The following RXFP2 variants were observed in gnomAD, a reference collection of about 807,000 sequenced individuals.
The protein encoded by RXFP2 is relaxin family peptide receptor 2.
A neutral mutation model predicts 88.6 loss-of-function variants in RXFP2; 68 were observed. The ratio of observed to expected loss-of-function variants is 0.77; its 90% CI spans 0.63 to 0.94. The LOEUF is 0.94. RXFP2 is among the 40% of genes least tolerant of loss of function. The probability of loss-of-function intolerance (pLI) is 0.00; values close to 1 mark genes in which losing one functional copy is unlikely to be tolerated. For synonymous variants in RXFP2, 329 were observed against 306.8 expected (o/e 1.07, Z -0.76); for missense variants, 791 against 893.9 (o/e 0.88, Z 1.47).
At chr13:31,751,165 G>C (rs1368294720) in intron 1 of RXFP2, among the ~76,000 whole-genome samples, 1 of 152,108 alleles carries the variant, frequency 6.6e-6, no homozygotes, top group East Asian at 1.9e-4. Flanking sequence ...GTTGGCGCAT[G>C]CCTGTAATTC....
intron 14 of RXFP2, among the ~76,000 whole-genome samples, chr13:31,790,622 C>T (rs1382458174): frequency 6.6e-6 from 1 of 152,168 alleles, no homozygotes; most frequent in African/African-American, 2.4e-5. Context: ...GATGTCTGTG[C>T]CTGAGAGCTT....
At chr13:31,798,834 A>G (rs573434545) in intron 17 of RXFP2, among the ~76,000 whole-genome samples, 2 of 152,250 alleles carry the variant, frequency 1.3e-5, no homozygotes, top group East Asian at 3.9e-4. Context: ...ATTTTAGCGT[A>G]CTAAACACCA....
At chr13:31,752,438 G>A (rs2138393441) in intron 1 of RXFP2, among the ~76,000 whole-genome samples, 1 of 152,258 alleles carries the variant, frequency 6.6e-6, no homozygotes, top group South Asian at 2.1e-4. Flanking sequence ...GTAAATATGT[G>A]TGAATGAAAC....
chr13:31,758,449 C>T, intron 2 of RXFP2, 45 bp downstream of exon 2: 1 of 1,605,740 alleles, frequency 6.2e-7, no homozygotes, highest in Non-Finnish European at 8.5e-7. Flanking sequence ...ACTTTATGAA[C>T]ACCCCAAAAC....
chr13:31,795,128 T>C (rs1229816784), intron 16 of RXFP2, among the ~76,000 whole-genome samples: 2 of 152,144 alleles, frequency 1.3e-5, no homozygotes, highest in African/African-American at 2.4e-5. Context: ...TTTCTTATAT[T>C]ACTATCGTGC....
chr13:31,756,899 G>A (rs138066693), intron 1 of RXFP2, among the ~76,000 whole-genome samples: 7 of 151,992 alleles, frequency 4.6e-5, no homozygotes, highest in African/African-American at 4.8e-5. Context: ...GATTACAGGC[G>A]TGAGCTACTG....
At chr13:31,751,968 T>C (rs941708593) in intron 1 of RXFP2, among the ~76,000 whole-genome samples, 2 of 152,128 alleles carry the variant, frequency 1.3e-5, no homozygotes, top group African/African-American at 4.8e-5. Flanking sequence ...GTTTTGGCAG[T>C]TTACCAGTCA....
rs1414717939 is a variant in RXFP2, at chr13:31,782,306, T to C, written c.858-370T>C. On this transcript the variant is annotated intron_variant, in intron 10 of 17. Transcript: ENST00000298386. ...GCTTCAAAACATCAGTGTTTTGGTT[T>C]TGTTTTAATGATAGTTTTCCACATT... 2.0e-5 allele frequency among the ~76,000 whole-genome samples: 3 copies of C among 152,224 alleles called. No individual in the cohort carries two copies. The East Asian group carries it at 5.8e-4, about 29-fold the overall frequency.
intron 9 of RXFP2, among the ~76,000 whole-genome samples, chr13:31,779,124 GT>G (rs1369233800): frequency 1.0e-5 from 1 of 99,082 alleles, no homozygotes; most frequent in Non-Finnish European, 2.1e-5. Flanking sequence ...CATTGGGCTT[GT>G]CTTTTTTTTT....
At chr13:31,761,217 G>A (rs539549711) in intron 2 of RXFP2, among the ~76,000 whole-genome samples, 1 of 152,222 alleles carries the variant, frequency 6.6e-6, no homozygotes, top group African/African-American at 2.4e-5. Flanking sequence ...GCCTCCCAAA[G>A]TGCTGAGGTT....
intron 16 of RXFP2, among the ~76,000 whole-genome samples, chr13:31,796,198 C>A (rs1046921825): frequency 6.0e-5 from 9 of 148,898 alleles, no homozygotes; most frequent in African/African-American, 2.2e-4. Flanking sequence ...TACAGGCGCC[C>A]GCCACCGCGC....
At chr13:31,786,325 A>C in intron 11 of RXFP2, 58 bp from the exon 12 acceptor site, 1 of 1,148,234 alleles carries the variant, frequency 8.7e-7, no homozygotes, top group Non-Finnish European at 1.3e-6. Context: ...TGTGAGGAGT[A>C]ATAAGTCTGT....
rs187899656 is a variant in RXFP2, at chr13:31,798,202, A to G, written c.2005+783A>G. On this transcript the variant is annotated intron_variant, in intron 17 of 17. Coordinates refer to ENST00000298386, the MANE Select transcript of RXFP2 (RefSeq NM_130806.5). ...CTTTGATAGCCCTTATGAAAGAGTG[A>G]TGAATGCACAGACGATAAACAGCTG... 2.0e-5 allele frequency among the ~76,000 whole-genome samples: 3 copies of G among 152,302 alleles called. No individual in the cohort carries two copies. The East Asian group carries it at 5.8e-4, about 29-fold the overall frequency.
chr13:31,784,333 C>G (rs1873425934), intron 11 of RXFP2, among the ~76,000 whole-genome samples: 1 of 152,102 alleles, frequency 6.6e-6, no homozygotes, highest in Non-Finnish European at 1.5e-5. Context: ...AATTCAGAAG[C>G]TGGTAGGCTT....
chr13:31,752,316 G>A (rs1046348209), intron 1 of RXFP2, among the ~76,000 whole-genome samples: 2 of 152,042 alleles, frequency 1.3e-5, no homozygotes, highest in Non-Finnish European at 2.9e-5. Context: ...AGGGTCCTGA[G>A]GGACTTTTAC....
Position 31,766,115 on chromosome 13 carries a change from TTA to T in RXFP2, c.497+90_497+91del, listed in dbSNP as rs571988352. The T allele has an allele frequency of 1.0e-3, 733 of 733,242 alleles. 2 individuals are homozygous for T. The highest frequency in any genetic ancestry group is 1.3e-3 in the Non-Finnish European group (545 of 406,664). 45.4% of individuals were successfully genotyped at this position (733,242 alleles called of 1,614,324 possible). A position where few individuals can be genotyped will look rare whatever the true frequency, so the allele number is the denominator to read the frequency against. The stretch of plus-strand genomic sequence containing the variant: ...TGATCTAAAAATAAAATATTGTTTG[TTA>T]TCTTTATCATTACATTTATGTTTCT... On this transcript the variant is annotated intron_variant, in intron 5 of 17. Coordinates refer to ENST00000298386, the MANE Select transcript of RXFP2 (RefSeq NM_130806.5).
chr13:31,777,543 C>A, intron 8 of RXFP2, 96 bp downstream of exon 8: 1 of 935,406 alleles, frequency 1.1e-6, no homozygotes, highest in Non-Finnish European at 1.7e-6. Context: ...ATCAAGCCCA[C>A]AAAAATTTTT....
At chr13:31,747,955 T>C (rs1156485998) in intron 1 of RXFP2, among the ~76,000 whole-genome samples, 1 of 152,158 alleles carries the variant, frequency 6.6e-6, no homozygotes, top group Non-Finnish European at 1.5e-5. Flanking sequence ...ATCTTAAAAG[T>C]CAGAGCTGCA....
intron 13 of RXFP2, 29 bp from the exon 14 acceptor site, chr13:31,789,093 C>T (rs779796215): frequency 1.4e-6 from 2 of 1,395,002 alleles, no homozygotes; most frequent in Non-Finnish European, 2.0e-6. Flanking sequence ...CATCTCAACA[C>T]CATTAAACCT....
Sources: gnomAD v4.1 joint callset for allele counts (sites outside exome capture counted in the v4.1 genomes callset) on GRCh38, gnomAD v4.1.1 for gene constraint, MANE v1.5 for transcripts, NCBI Gene and HGNC (gene_info 2026-07-23, HGNC 2026-07-21) for gene names.